VAT1L: variants seen among roughly 807,000 people sequenced by gnomAD.
The protein encoded by VAT1L is putative NADPH-dependent quinone oxidoreductase VAT1L.
VAT1L carries 34 observed loss-of-function variants against 44.1 expected under a neutral mutation model. The ratio of observed to expected loss-of-function variants is 0.77; its 90% CI spans 0.59 to 1.03. VAT1L has a LOEUF of 1.03. Ranked by LOEUF, VAT1L falls within the 50% of genes least tolerant of loss-of-function variation. The pLI, the probability that VAT1L is intolerant of heterozygous loss-of-function variation, is 0.00. For synonymous variants in VAT1L, 253 were observed against 202.2 expected, an observed-to-expected ratio of 1.25 and a Z score of -2.13; for missense variants, 615 against 538.8, an observed-to-expected ratio of 1.14 and a Z score of -1.40.
chr16:77,793,711 A>C (rs188084866), intron 1 of VAT1L, among the ~76,000 whole-genome samples: 6 of 152,336 alleles, frequency 3.9e-5, no homozygotes, highest in African/African-American at 1.4e-4. Flanking sequence ...AAACTGCTGG[A>C]AAGACACCAA....
At chr16:77,902,107 G>T (rs1480655087) in intron 7 of VAT1L, among the ~76,000 whole-genome samples, 2 of 152,130 alleles carry the variant, frequency 1.3e-5, no homozygotes, top group African/African-American at 4.8e-5. Flanking sequence ...AACTTTTTGG[G>T]TTTATGTATA....
At chr16:77,840,481 A>G (rs1042923889) in intron 3 of VAT1L, among the ~76,000 whole-genome samples, 2 of 152,148 alleles carry the variant, frequency 1.3e-5, no homozygotes, top group Non-Finnish European at 2.9e-5. Flanking sequence ...AAATAACAAG[A>G]AAAACAACCG....
At chr16:77,870,647 G>A (rs886942310) in intron 4 of VAT1L, among the ~76,000 whole-genome samples, 9 of 152,194 alleles carry the variant, frequency 5.9e-5, no homozygotes, top group South Asian at 2.1e-4. Flanking sequence ...TATAATCCCC[G>A]AGCTGGGGCT....
chr16:77,830,204 A>G (rs1208089422), intron 3 of VAT1L, among the ~76,000 whole-genome samples: 1 of 152,158 alleles, frequency 6.6e-6, no homozygotes, highest in African/African-American at 2.4e-5. Context: ...ATGTAATCTA[A>G]TAGCATCAAA....
chr16:77,954,348 C>T (rs1368087866), intron 7 of VAT1L, among the ~76,000 whole-genome samples: 3 of 152,136 alleles, frequency 2.0e-5, no homozygotes, highest in Admixed American at 6.5e-5. Context: ...AATGTCAGGC[C>T]GGGCGCGGTG....
chr16:77,793,116 A>G (rs1350690499), intron 1 of VAT1L, among the ~76,000 whole-genome samples: 1 of 152,072 alleles, frequency 6.6e-6, no homozygotes, highest in Admixed American at 6.6e-5. Flanking sequence ...TTCAAACTGG[A>G]ACTCTTATAT....
At chr16:77,810,871 T>C (rs1300997487) in intron 1 of VAT1L, among the ~76,000 whole-genome samples, 2 of 152,196 alleles carry the variant, frequency 1.3e-5, no homozygotes, top group Admixed American at 1.3e-4. Flanking sequence ...TAGCAAATTA[T>C]ATACTTAACA....
intron 2 of VAT1L, among the ~76,000 whole-genome samples, chr16:77,822,157 G>C (rs576699835): frequency 1.3e-5 from 2 of 152,008 alleles, no homozygotes; most frequent in East Asian, 3.9e-4. Context: ...ATTTAGAGAC[G>C]GAGTTTCGCT....
At chr16:77,911,749 T>C (rs1479999309) in intron 7 of VAT1L, among the ~76,000 whole-genome samples, 2 of 152,018 alleles carry the variant, frequency 1.3e-5, no homozygotes, top group Non-Finnish European at 1.5e-5. Flanking sequence ...AGGGGATGGA[T>C]GGGGCTGAGA....
At chr16:77,839,293 T>G (rs2016675994) in intron 3 of VAT1L, among the ~76,000 whole-genome samples, 2 of 151,708 alleles carry the variant, frequency 1.3e-5, no homozygotes, top group Non-Finnish European at 2.9e-5. Context: ...CCTAGCACTT[T>G]GGGAGGCCGA....
At chr16:77,794,214 G>C (rs1045477711) in intron 1 of VAT1L, among the ~76,000 whole-genome samples, 2 of 152,104 alleles carry the variant, frequency 1.3e-5, no homozygotes, top group African/African-American at 2.4e-5. Flanking sequence ...GGAATACAGA[G>C]AAAGAGCCAT....
At chr16:77,962,252 G>C (rs552156410) in intron 7 of VAT1L, among the ~76,000 whole-genome samples, 1 of 152,252 alleles carries the variant, frequency 6.6e-6, no homozygotes, top group South Asian at 2.1e-4. Context: ...TGCCCATGTA[G>C]TGGGAAAAAG....
At chr16:77,961,145 G>A (rs1227874345) in intron 7 of VAT1L, among the ~76,000 whole-genome samples, 1 of 152,096 alleles carries the variant, frequency 6.6e-6, no homozygotes, top group Admixed American at 6.5e-5. Flanking sequence ...GGAAACAGCT[G>A]GGGCAGTTTT....
At chr16:77,851,258 G>A (rs1431716843) in intron 3 of VAT1L, among the ~76,000 whole-genome samples, 2 of 152,166 alleles carry the variant, frequency 1.3e-5, no homozygotes, top group Admixed American at 6.5e-5. Context: ...CCCTGCCACT[G>A]ACAATCAGAA....
At chr16:77,887,165 G>C (rs74028016) in intron 7 of VAT1L, among the ~76,000 whole-genome samples, 3 of 152,270 alleles carry the variant, frequency 2.0e-5, no homozygotes, top group Admixed American at 6.5e-5. Flanking sequence ...AAAAACAAAG[G>C]GGTGAAGAAC....
At chr16:77,804,967 G>A (rs2016129736) in intron 1 of VAT1L, among the ~76,000 whole-genome samples, 3 of 152,140 alleles carry the variant, frequency 2.0e-5, no homozygotes, top group Admixed American at 1.3e-4. Flanking sequence ...TATGTCTCCC[G>A]TGGCTGCAGT....
chr16:77,795,283 C>A (rs11349637), intron 1 of VAT1L, among the ~76,000 whole-genome samples: 61 of 74,804 alleles, frequency 8.2e-4, no homozygotes, highest in African/African-American at 2.2e-3. Context: ...ACAGTGGGGG[C>A]GGGGGGAAAG....
chr16:77,819,373 T>G (rs1007841723), intron 2 of VAT1L, among the ~76,000 whole-genome samples: 7 of 151,924 alleles, frequency 4.6e-5, no homozygotes, highest in African/African-American at 1.7e-4. Context: ...ATTCTTTTCT[T>G]TTTTCTTTTT....
chr16:77,924,783 C>A (rs2017648370), intron 7 of VAT1L, among the ~76,000 whole-genome samples: 1 of 152,044 alleles, frequency 6.6e-6, no homozygotes, highest in Non-Finnish European at 1.5e-5. Flanking sequence ...TTCATATCCC[C>A]TCAACCCAGA....
Sources: gnomAD v4.1 joint callset for allele counts (sites outside exome capture counted in the v4.1 genomes callset) on GRCh38, gnomAD v4.1.1 for gene constraint, MANE v1.5 for transcripts, NCBI Gene and HGNC (gene_info 2026-07-23, HGNC 2026-07-21) for gene names.